The following LHFPL1 variants were observed in gnomAD, a reference collection of about 807,000 sequenced individuals.
The protein encoded by LHFPL1 is LHFPL tetraspan subfamily member 1 protein.
Under a neutral mutation model 12.1 loss-of-function variants are expected in LHFPL1, and 4 were observed. The ratio of observed to expected loss-of-function variants is 0.33; its 90% CI spans 0.16 to 0.76. The LOEUF is 0.76. LHFPL1 is among the 30% of genes least tolerant of loss of function. The probability of loss-of-function intolerance (pLI) is 0.61; values close to 1 mark genes in which losing one functional copy is unlikely to be tolerated. For missense variants in LHFPL1, 141 were observed against 174.1 expected, an observed-to-expected ratio of 0.81 and a Z score of 1.07; for synonymous variants, 52 against 61.9, an observed-to-expected ratio of 0.84 and a Z score of 0.75.
intron 3 of LHFPL1, among the ~76,000 whole-genome samples, chrX:112,659,546 T>C (rs1424714348): frequency 2.7e-5 from 3 of 111,652 alleles, no homozygotes; most frequent in African/African-American, 9.8e-5. Flanking sequence ...ATGCATTAAA[T>C]GGGTACATTT....
intron 3 of LHFPL1, among the ~76,000 whole-genome samples, chrX:112,659,207 C>G (rs759183486): frequency 9.0e-6 from 1 of 111,382 alleles, no homozygotes; most frequent in South Asian, 3.8e-4. Context: ...CCCTGTAATC[C>G]CAGCACTTTG....
At chrX:112,672,033 G>T (rs1041237995) in intron 1 of LHFPL1, among the ~76,000 whole-genome samples, 1 of 111,680 alleles carries the variant, frequency 9.0e-6, no homozygotes, top group Admixed American at 9.5e-5. Context: ...GGATGCATCA[G>T]CCAGGTTTAA....
intron 3 of LHFPL1, among the ~76,000 whole-genome samples, chrX:112,637,104 A>G (rs1930364467): frequency 8.9e-6 from 1 of 111,758 alleles, no homozygotes; most frequent in African/African-American, 3.3e-5. Context: ...CTAACACTCT[A>G]TCTGTGAGTC....
At chrX:112,665,219 C>T (rs1173154367) in intron 2 of LHFPL1, among the ~76,000 whole-genome samples, 2 of 104,367 alleles carry the variant, frequency 1.9e-5, no homozygotes, top group Non-Finnish European at 2.0e-5. Context: ...GAGTCGGAGT[C>T]TCACTCTGTC....
chrX:112,663,691 G>A lies in LHFPL1; in HGVS notation c.383-2966C>T, dbSNP rs189122578. On this transcript the variant is annotated intron_variant, in intron 2 of 3. Transcript: ENST00000371968. ...ATCATCAACAACCCTTAGAGGCTCT[G>A]TCCTTCTAGAGACATGTGTCCTGGG... is the stretch of plus-strand genomic sequence containing the variant. Among the ~76,000 whole-genome samples, 18 of 112,015 alleles carry A rather than the reference G, an allele frequency of 1.6e-4. 1 individual carries two copies. The East Asian group carries it at 4.8e-3, about 30-fold the overall frequency.
At chrX:112,643,378 CAAAA>C (rs1164744066) in intron 3 of LHFPL1, among the ~76,000 whole-genome samples, 2 of 38,948 alleles carry the variant, frequency 5.1e-5, no homozygotes. Context: ...GACTCCGTCT[CAAAA>C]AAAAAAAAAA....
At chrX:112,655,463 A>G (rs1930970073) in intron 3 of LHFPL1, among the ~76,000 whole-genome samples, 1 of 112,225 alleles carries the variant, frequency 8.9e-6, no homozygotes, top group Admixed American at 9.5e-5. Context: ...AAAACCTAAG[A>G]AAAGATAGGT....
chrX:112,646,429 C>A (rs1224032664), intron 3 of LHFPL1, among the ~76,000 whole-genome samples: 10 of 108,721 alleles, frequency 9.2e-5, no homozygotes, highest in Non-Finnish European at 1.7e-4. Flanking sequence ...CTTCCCCAAA[C>A]CCCCTCCAAT....
intron 3 of LHFPL1, among the ~76,000 whole-genome samples, chrX:112,656,178 T>C (rs1264747715): frequency 9.0e-6 from 1 of 111,701 alleles, no homozygotes; most frequent in African/African-American, 3.2e-5. Context: ...CCAACTGTGA[T>C]TTATCCAAGA....
chrX:112,678,278 A>C (rs1236588084), intron 1 of LHFPL1, among the ~76,000 whole-genome samples: 1 of 111,393 alleles, frequency 9.0e-6, no homozygotes, highest in African/African-American at 3.3e-5. Context: ...TCTCCCCAAG[A>C]TGCTGCTCCT....
intron 1 of LHFPL1, among the ~76,000 whole-genome samples, chrX:112,671,772 A>C (rs959206352): frequency 8.9e-6 from 1 of 111,982 alleles, no homozygotes; most frequent in African/African-American, 3.2e-5. Context: ...AGCCTAAATG[A>C]AAACAAGGTT....
At chrX:112,656,841 GC>G (rs772393254) in intron 3 of LHFPL1, among the ~76,000 whole-genome samples, 182 of 112,178 alleles carry the variant, frequency 1.6e-3, no homozygotes, top group African/African-American at 5.8e-3. Context: ...CCCTAAAGGT[GC>G]TCAGAACACT....
rs1276397874 is a variant in LHFPL1 at position 112,679,889 on chromosome X, ACTT to A, written c.-78_-76del. 1 of 111,709 alleles carries A rather than the reference ACTT, an allele frequency of 9.0e-6. No individual in the cohort carries two copies. The highest frequency in any genetic ancestry group is 9.4e-5 in the Admixed American group (1 of 10,599). The allele number at this position is 111,709 out of a possible 1,213,427, so 9.2% of individuals were successfully genotyped here. On this transcript the variant is annotated 5_prime_UTR_variant, in exon 1 of 4. Transcript: ENST00000371968. ...TCTTCAGGCTCAGATCTCAGAAACA[ACTT>A]CTCCTTACAGCTTGTTAGACAAGGA...
Position 112,645,422 on chromosome X carries a change from G to GGAT in LHFPL1, c.482-13824_482-13822dup, listed in dbSNP as rs1284914754. 5.9e-4 allele frequency among the ~76,000 whole-genome samples: 66 copies of GGAT among 111,146 alleles called. No individual in the cohort carries two copies. In the South Asian group the frequency reaches 0.01, roughly 17 times the overall value. ...ATTTTTATTTTAACAACTGGTATCA[G>GGAT]GATGATGATGATGATGATGATGATA... On this transcript the variant is annotated intron_variant, in intron 3 of 3. Transcript: ENST00000371968.
intron 3 of LHFPL1, among the ~76,000 whole-genome samples, chrX:112,645,123 T>C (rs768579018): frequency 8.9e-6 from 1 of 112,308 alleles, no homozygotes; most frequent in African/African-American, 3.2e-5. Context: ...AAAAGGCTCT[T>C]GAGACCTAGG....
chrX:112,634,436 CT>C (rs1003947120), intron 3 of LHFPL1, among the ~76,000 whole-genome samples: 8 of 111,545 alleles, frequency 7.2e-5, no homozygotes, highest in African/African-American at 2.6e-4. Context: ...TGCCAAGCAA[CT>C]TCATCCTCCC....
At chrX:112,676,311 T>A (rs1165896131) in intron 1 of LHFPL1, among the ~76,000 whole-genome samples, 1 of 112,087 alleles carries the variant, frequency 8.9e-6, no homozygotes, top group East Asian at 2.8e-4. Context: ...TGTTTCCCTG[T>A]CCTGGAATAT....
chrX:112,676,728 T>C (rs780403899), intron 1 of LHFPL1, among the ~76,000 whole-genome samples: 1 of 112,237 alleles, frequency 8.9e-6, no homozygotes, highest in African/African-American at 3.2e-5. Context: ...TCCATTACTT[T>C]TAAAGAACTC....
intron 3 of LHFPL1, among the ~76,000 whole-genome samples, chrX:112,639,914 C>T (rs1403420064): frequency 1.8e-5 from 2 of 111,899 alleles, no homozygotes; most frequent in Admixed American, 1.9e-4. Context: ...CTCAAGGAGA[C>T]GGGTTAAAAC....
Sources: allele counts gnomAD v4.1 joint callset (sites outside exome capture counted in the v4.1 genomes callset), GRCh38; gene constraint gnomAD v4.1.1; transcripts MANE v1.5; gene names NCBI Gene and HGNC (gene_info 2026-07-23, HGNC 2026-07-21).